Variants in FGFRL1 observed in about 807,000 individuals in gnomAD.
The protein encoded by FGFRL1 is fibroblast growth factor receptor like 1.
Under a neutral mutation model 36.8 loss-of-function variants are expected in FGFRL1, and 24 were observed. That is an observed-to-expected ratio of 0.65 (90% CI 0.47 to 0.92). The LOEUF (loss-of-function observed/expected upper bound fraction) is 0.92, where lower values mean the gene tolerates loss of function less well. FGFRL1 is among the 40% of genes least tolerant of loss of function. The pLI, the probability that FGFRL1 is intolerant of heterozygous loss-of-function variation, is 0.00. For synonymous variants in FGFRL1, 422 were observed against 344.1 expected (o/e 1.23, Z -2.50); for missense variants, 785 against 753.4 (o/e 1.04, Z -0.49).
intron 2 of FGFRL1, among the ~76,000 whole-genome samples, chr4:1,014,923 C>T (rs138186935): frequency 9.4e-4 from 143 of 152,320 alleles, no homozygotes; most frequent in Non-Finnish European, 1.5e-3. Context: ...CTGGAAACGC[C>T]GACCGCAGAC....
At chr4:1,016,698 G>A (rs538980287) in intron 2 of FGFRL1, among the ~76,000 whole-genome samples, 51 of 152,164 alleles carry the variant, frequency 3.4e-4, no homozygotes, top group African/African-American at 1.1e-3. Context: ...GGGCCGCCTC[G>A]CTAGCTGGTG....
intron 2 of FGFRL1, among the ~76,000 whole-genome samples, chr4:1,021,966 A>G (rs911942735): frequency 6.6e-6 from 1 of 152,172 alleles, no homozygotes; most frequent in Non-Finnish European, 1.5e-5. Flanking sequence ...TGCCCCGGCC[A>G]TGAGAGGCTG....
At position 1,025,088 on chromosome 4, in the gene FGFRL1, C is replaced by A. The variant is rs200338999; in HGVS notation, c.1256C>A (p.Pro419Gln). Residue 419 changes from proline to glutamine, a missense_variant, in exon 7 of 7, where the codon CCG becomes CAG. Pro to Gln is a moderately conservative substitution (Grantham distance 76). Transcript: ENST00000510644. Reference protein sequence around the residue: ...APAPPLPGHRPPGTARDRSGD... With the variant: ...APAPPLPGHRQPGTARDRSGD... ...GCCCCTCCCCTGCCTGGGCACCGCC[C>A]GCCGGGGACGGCCCGCGACCGCAGC... The A allele has an allele frequency of 1.0e-4, 165 of 1,609,950 alleles. No homozygotes were observed. The African/African-American group carries it at 1.8e-3, about 17-fold the overall frequency.
rs1403201796 is a variant in FGFRL1, at chr4:1,024,662, C to T, written c.1070C>T (p.Pro357Leu). The change falls in exon 6 of 7, where the codon CCA becomes CTA. Residue 357 changes from proline (P) to leucine (L), a missense_variant and splice_region_variant. Coordinates refer to ENST00000510644, the MANE Select transcript of FGFRL1 (RefSeq NM_001004356.3). ...SFRSAFLTVL[P>L]DPKPPGPPVA... ...CGCAGCGCCTTCCTCACCGTGCTGC[C>T]AGGTGCGCGGCTGCCACGCCACGCC... 1.9e-6 allele frequency: 3 copies of T among 1,596,022 alleles called. No homozygotes were observed. Among genetic ancestry groups the T allele is most frequent in the African/African-American group, 1.3e-5 (1 of 74,696 alleles).
chr4:1,011,391 T>TGGGGC (rs1715571221), upstream of FGFRL1: 2 of 49,288 alleles, frequency 4.1e-5, no homozygotes, highest in East Asian at 3.9e-4. Context: ...AGGCTCGGGT[T>TGGGGC]GGGGCGGGGC....
Position 1,022,120 on chromosome 4 carries a change from G to C in FGFRL1, c.80-83G>C, listed in dbSNP as rs945939723. 13 of 1,099,010 alleles carry C rather than the reference G, an allele frequency of 1.2e-5. No homozygotes were observed. The African/African-American group carries it at 1.9e-4, about 16-fold the overall frequency. The allele number at this position is 1,099,010 out of a possible 1,614,324, so 68.1% of individuals were successfully genotyped here. A position where few individuals can be genotyped will look rare whatever the true frequency, so the allele number is the denominator to read the frequency against. On this transcript the variant is annotated intron_variant, in intron 2 of 6. Coordinates refer to ENST00000510644, the MANE Select transcript of FGFRL1 (RefSeq NM_001004356.3). ...GAGCTCAGGCCCGAGGTCTGTGCTG[G>C]GCCGTGGGTCCCCTTTTGACCGCCC...
At chr4:1,021,814 G>T (rs1402641534) in intron 2 of FGFRL1, among the ~76,000 whole-genome samples, 1 of 152,186 alleles carries the variant, frequency 6.6e-6, no homozygotes, top group Non-Finnish European at 1.5e-5. Context: ...CGGGTGTACG[G>T]CTGCTTCCTG....
rs4647939 is a variant in FGFRL1, at chr4:1,025,524, G to A, written c.*177G>A. On this transcript the variant is annotated 3_prime_UTR_variant, in exon 7 of 7. Transcript: ENST00000510644. ...ACACACACACACAGACACACACACT[G>A]CCTGGATGCATGTATGCACACACAT... is the stretch of plus-strand genomic sequence containing the variant. 0.44 allele frequency: 325,892 copies of A among 741,870 alleles called. 73,781 individuals are homozygous for A. Among genetic ancestry groups the A allele is most frequent in the Middle Eastern group, 0.55 (1,776 of 3,238 alleles). The allele number at this position is 741,870 out of a possible 1,614,324, so 46.0% of individuals were successfully genotyped here.
intron 2 of FGFRL1, among the ~76,000 whole-genome samples, chr4:1,020,251 G>A (rs1377694587): frequency 6.6e-6 from 1 of 152,194 alleles, no homozygotes; most frequent in Non-Finnish European, 1.5e-5. Context: ...CAGCCTGGAC[G>A]CTCCCAGACA....
intron 6 of FGFRL1, 50 bp downstream of exon 6, chr4:1,024,714 C>T (rs1311095757): frequency 1.3e-6 from 2 of 1,522,730 alleles, no homozygotes; most frequent in Non-Finnish European, 8.8e-7. Context: ...CGGACCCGCC[C>T]CCTGGGCCCG....
chr4:1,023,034 A>T lies in FGFRL1; in HGVS notation c.352+559A>T. Among the ~76,000 whole-genome samples the T allele has an allele frequency of 1.4e-5, 2 of 146,518 alleles. No individual in the cohort carries two copies. ...CCGTTTCTTTTTTTTTTTTAATTCT[A>T]CTTTAAGTTTTAGGGTACATGTGCC... On this transcript the variant is annotated intron_variant, in intron 3 of 6. Transcript: ENST00000510644. The surrounding 1 kb of genome is among the most constrained non-coding windows in gnomAD (Gnocchi z 6.0).
At position 1,026,634 on chromosome 4, in the gene FGFRL1, C is replaced by T. The variant is rs1011301196; in HGVS notation, c.*1287C>T. 6.9e-6 allele frequency: 2 copies of T among 288,200 alleles called. No homozygotes were observed. The highest frequency in any genetic ancestry group is 4.5e-5 in the African/African-American group (2 of 44,274). 17.9% of individuals were successfully genotyped at this position (288,200 alleles called of 1,614,324 possible). ...TCTCCCCCTGACACAGAGAAGGGGC[C>T]TTGGTATTTATATTTAAGAAATGAA... On this transcript the variant is annotated 3_prime_UTR_variant, in exon 7 of 7. Transcript: ENST00000510644.
At chr4:1,024,764 G>A (rs1486353303) in intron 6 of FGFRL1, 100 bp downstream of exon 6, 15 of 1,403,424 alleles carry the variant, frequency 1.1e-5, no homozygotes, top group East Asian at 2.4e-5. Flanking sequence ...CTTCCCTCCC[G>A]GGCCGTGCTG....
chr4:1,010,607 G>C (rs1715533536), upstream of FGFRL1, among the ~76,000 whole-genome samples: 1 of 152,192 alleles, frequency 6.6e-6, no homozygotes, highest in African/African-American at 2.4e-5. Context: ...AGGAGGTGCT[G>C]GGATGGTGAC....
chr4:1,012,777 C>G (rs113868541), intron 2 of FGFRL1, among the ~76,000 whole-genome samples: 6 of 152,254 alleles, frequency 3.9e-5, no homozygotes, highest in African/African-American at 1.4e-4. Context: ...GAGGGGTTCC[C>G]CTCATGCGTG....
At chr4:1,014,056 G>A (rs1715752398) in intron 2 of FGFRL1, among the ~76,000 whole-genome samples, 1 of 152,240 alleles carries the variant, frequency 6.6e-6, no homozygotes, top group Non-Finnish European at 1.5e-5. Context: ...ACTAGGGCGC[G>A]AGGTCCATCC....
At position 1,024,456 on chromosome 4, in the gene FGFRL1, C is replaced by T. The variant is rs138109269; in HGVS notation, c.864C>T (p.Ala288=). The T allele has an allele frequency of 3.3e-5, 53 of 1,612,150 alleles. No homozygotes were observed. In the Middle Eastern group the frequency reaches 9.9e-4, roughly 30 times the overall value. The stretch of plus-strand genomic sequence containing the variant: ...GGCTGAAGCGCGTGGAGTACGGCGC[C>T]GAGGGCCGCCACAACTCCACCATCG... ...IQWLKRVEYG[A]EGRHNSTIDV... Residue 288 remains alanine (A), a synonymous_variant, in exon 6 of 7, where the codon GCC becomes GCT. Coordinates refer to ENST00000510644, the MANE Select transcript of FGFRL1 (RefSeq NM_001004356.3).
chr4:1,011,695 C>A lies in FGFRL1; in HGVS notation c.-276C>A. On this transcript the variant is annotated 5_prime_UTR_variant, in exon 1 of 7. Coordinates refer to ENST00000510644, the MANE Select transcript of FGFRL1 (RefSeq NM_001004356.3). Reference sequence around the variant, plus strand: ...GCCCCGGGCCCCTCGCCCCGCCGCCCCGGGATCCCGGCCCCGGCCCCCGGC... The same window carrying A: ...GCCCCGGGCCCCTCGCCCCGCCGCCACGGGATCCCGGCCCCGGCCCCCGGC... The A allele has an allele frequency of 6.9e-6, 1 of 144,070 alleles. No individual in the cohort carries two copies. The highest frequency in any genetic ancestry group is 1.9e-4 in the South Asian group (1 of 5,354). 8.9% of individuals were successfully genotyped at this position (144,070 alleles called of 1,614,324 possible). A position where few individuals can be genotyped will look rare whatever the true frequency, so the allele number is the denominator to read the frequency against.
rs914227017 is a variant in FGFRL1 at position 1,023,472 on chromosome 4, C to T, written c.353-169C>T. The stretch of plus-strand genomic sequence containing the variant: ...GCCCAGTGTGGGCCAGCGGCCCTTG[C>T]CCAGCTGTCCCTGGGATTCTGGGCT... On this transcript the variant is annotated intron_variant, in intron 3 of 6. Transcript: ENST00000510644. This position sits in a 1 kb window ranked among gnomAD's most constrained non-coding sequence, Gnocchi z 6.0. Among the ~76,000 whole-genome samples the T allele has an allele frequency of 1.3e-5, 2 of 152,178 alleles. No individual in the cohort carries two copies. Among genetic ancestry groups the T allele is most frequent in the African/African-American group, 4.8e-5 (2 of 41,450 alleles).
Sources: gnomAD v4.1 joint callset for allele counts (sites outside exome capture counted in the v4.1 genomes callset) on GRCh38, gnomAD v4.1.1 for gene constraint, Gnocchi (gnomAD v3.1) non-coding constraint, MANE v1.5 for transcripts, NCBI Gene and HGNC (gene_info 2026-07-23, HGNC 2026-07-21) for gene names.